NPC1: variants seen among roughly 807,000 people sequenced by gnomAD.
The protein encoded by NPC1 is NPC intracellular cholesterol transporter 1, also known as Niemann-Pick C1 protein.
In NPC1, 85 loss-of-function variants were observed where a neutral mutation model predicts 140.4. The observed-to-expected ratio is 0.61, with a 90% CI of 0.51 to 0.72. The LOEUF is 0.72. NPC1 is among the 30% of genes least tolerant of loss of function. NPC1 has a pLI of 0.00. For missense variants in NPC1, 1,504 were observed against 1,623.8 expected, an observed-to-expected ratio of 0.93 and a Z score of 1.27; for synonymous variants, 656 against 624.8, an observed-to-expected ratio of 1.05 and a Z score of -0.74.
At chr18:23,533,316 C>T (rs761563021) in intron 24 of NPC1, 39 bp downstream of exon 24, 3 of 1,573,348 alleles carry the variant, frequency 1.9e-6, no homozygotes. Context: ...TCAGTAATGT[C>T]CTTCTATTGT....
At chr18:23,530,288 C>T (rs1229846078), downstream of NPC1, 1 of 1,614,218 alleles carries the variant, frequency 6.2e-7, no homozygotes, top group East Asian at 2.2e-5. Flanking sequence ...TATCTCTGGA[C>T]ATGCTGAAGG....
chr18:23,530,362 C>T, downstream of NPC1: 1 of 1,613,994 alleles, frequency 6.2e-7, no homozygotes, highest in Non-Finnish European at 8.5e-7. Flanking sequence ...TTGCACTGAC[C>T]TGGACTTCTC....
chr18:23,529,157 G>T (rs556198961), downstream of NPC1: 40 of 1,605,400 alleles, frequency 2.5e-5, no homozygotes, highest in East Asian at 8.3e-4. Flanking sequence ...GAAGATCATA[G>T]TTTGTGGTTT....
Position 23,536,829 on chromosome 18 carries a change from C to T in NPC1, c.3089G>A (p.Gly1030Asp). The T allele has an allele frequency of 1.2e-6, 2 of 1,614,130 alleles. No homozygotes were observed. The highest frequency in any genetic ancestry group is 8.5e-7 in the Non-Finnish European group (1 of 1,180,028). ...GAAGTACGTGGCTCCGACCCTGGTGCCATGGCCAAGGAGGATGTTAACTGC... is the reference window on the plus strand; with the variant it reads ...GAAGTACGTGGCTCCGACCCTGGTGTCATGGCCAAGGAGGATGTTAACTGC... ...SSAVNILLGH[G>D]TRVGATYFMT... The change falls in exon 21 of 25, where the codon GGC becomes GAC. Residue 1030 changes from glycine to aspartate, a missense_variant. Gly to Asp is a moderately conservative substitution (Grantham distance 94). Transcript: ENST00000269228.
intron 3 of NPC1, among the ~76,000 whole-genome samples, chr18:23,515,546 T>G (rs1349069756): frequency 6.6e-6 from 1 of 152,236 alleles, no homozygotes; most frequent in African/African-American, 2.4e-5. Flanking sequence ...ATTTATTAAT[T>G]GAGACTGAAT....
In NPC1 at chr18:23,512,857, T is replaced by C. The variant is rs376045826; in HGVS notation, c.432-6215A>G. 3.9e-5 allele frequency among the ~76,000 whole-genome samples: 6 copies of C among 152,304 alleles called. No homozygotes were observed. The East Asian group carries it at 9.6e-4, about 24-fold the overall frequency. ...TTGTTATGAAATAGCTCCAGAACTTTTTTCATCTTGTGAAACCAAAACTAT... is the reference window on the plus strand; with the variant it reads ...TTGTTATGAAATAGCTCCAGAACTTCTTTCATCTTGTGAAACCAAAACTAT... On this transcript the variant is annotated intron_variant, in intron 3 of 3. Transcript: ENST00000591107.
intron 3 of NPC1, 42 bp downstream of exon 3, chr18:23,572,032 G>T: frequency 7.8e-7 from 1 of 1,287,190 alleles, no homozygotes; most frequent in Non-Finnish European, 1.1e-6. Flanking sequence ...CAGTTCACAA[G>T]TATCTACAGC....
At chr18:23,529,497 G>C (rs1468328630), downstream of NPC1, 8 of 1,241,576 alleles carry the variant, frequency 6.4e-6, no homozygotes, top group Non-Finnish European at 9.1e-6. Context: ...TGGTTCTGGA[G>C]CGATGTGTGC....
downstream of NPC1, among the ~76,000 whole-genome samples, chr18:23,526,993 G>A (rs1342741683): frequency 1.3e-5 from 2 of 152,162 alleles, no homozygotes; most frequent in African/African-American, 4.8e-5. Flanking sequence ...CTGAATGAAA[G>A]TGGGCACACA....
chr18:23,579,267 G>C (rs1032567482), intron 1 of NPC1, among the ~76,000 whole-genome samples: 1 of 152,282 alleles, frequency 6.6e-6, no homozygotes, highest in Non-Finnish European at 1.5e-5. Context: ...CTTGTAAGAC[G>C]GTAAAATCCT....
rs752845943 is a variant in NPC1, at chr18:23,560,475, G to T, written c.637C>A (p.Pro213Thr). The T allele has an allele frequency of 6.2e-7, 1 of 1,614,018 alleles. No homozygotes were observed. The highest frequency in any genetic ancestry group is 8.5e-7 in the Non-Finnish European group (1 of 1,180,010). The change falls in exon 6 of 25, where the codon CCA (proline) becomes ACA (threonine). Residue 213 changes from proline to threonine, a missense_variant. By Grantham distance (38) the Pro-to-Thr change is conservative. Transcript: ENST00000269228. The part of the protein sequence containing the change: ...FTITPVFSDF[P>T]VHGMEPMNNA... The stretch of plus-strand genomic sequence containing the variant: ...TTCATGGGCTCCATCCCATGGACTG[G>T]AAAATCTACAGAAAGGAATTGTGTT...
At chr18:23,530,025 C>T (rs2058442223), downstream of NPC1, 1 of 1,611,842 alleles carries the variant, frequency 6.2e-7, no homozygotes. Flanking sequence ...CTTTTGTCCT[C>T]AGCATTACCT....
At chr18:23,518,978 C>T (rs1567922945), downstream of NPC1, 8 of 1,613,276 alleles carry the variant, frequency 5.0e-6, no homozygotes, top group African/African-American at 1.3e-5. Context: ...TCATCTACCA[C>T]GGTAGATTTC....
chr18:23,559,466 A>G (rs1245335889), intron 6 of NPC1, among the ~76,000 whole-genome samples: 2 of 147,668 alleles, frequency 1.4e-5, no homozygotes, highest in Non-Finnish European at 3.0e-5. Flanking sequence ...TTAGATTTGA[A>G]TCTGATTTCG....
chr18:23,520,355 C>T, downstream of NPC1: 3 of 1,476,856 alleles, frequency 2.0e-6, no homozygotes, highest in East Asian at 2.3e-5. Context: ...GCCCTTTCAC[C>T]ATGTGGCTGT....
At chr18:23,536,348 G>A (rs2058630848) in intron 21 of NPC1, among the ~76,000 whole-genome samples, 1 of 152,222 alleles carries the variant, frequency 6.6e-6, no homozygotes, top group African/African-American at 2.4e-5. Flanking sequence ...TGTTGGCCAA[G>A]AATGTGGGCC....
At chr18:23,537,455 G>T (rs4800162) in intron 20 of NPC1, among the ~76,000 whole-genome samples, 72,214 of 151,988 alleles carry the variant, frequency 0.48, 17,473 homozygotes, top group East Asian at 0.63. Context: ...TATAATCAAA[G>T]GTACAGGGTT....
Position 23,539,349 on chromosome 18 carries a change from A to T in NPC1, c.2911+6T>A, listed in dbSNP as rs762161265. ...AACAGGAAAGATTTGGTAAAGGAGA[A>T]GGTACCTGAAGCATTGCAGAACTGG... On this transcript the variant is annotated splice_donor_region_variant and intron_variant, in intron 19 of 24. Transcript: ENST00000269228. 1.3e-6 allele frequency: 2 copies of T among 1,581,940 alleles called. No individual in the cohort carries two copies. The highest frequency in any genetic ancestry group is 2.2e-5 in the South Asian group (2 of 90,320).
At position 23,531,751 on chromosome 18, in the gene NPC1, A is replaced by G. The variant is rs1052449718; in HGVS notation, c.*451T>C. 6.3e-7 allele frequency: 1 copy of G among 1,587,858 alleles called. No homozygotes were observed. Among genetic ancestry groups the G allele is most frequent in the South Asian group, 1.2e-5 (1 of 85,996 alleles). On this transcript the variant is annotated 3_prime_UTR_variant, in exon 25 of 25. Transcript: ENST00000269228. ...ATAAAAATGTGTACAAAGTTAATTT[A>G]TTGCATTAATAAAGCTCTTTAAACT...
Sources: gnomAD v4.1 joint callset for allele counts (sites outside exome capture counted in the v4.1 genomes callset) on GRCh38, gnomAD v4.1.1 for gene constraint, MANE v1.5 for transcripts, NCBI Gene and HGNC (gene_info 2026-07-23, HGNC 2026-07-21) for gene names.